RALGAPA1: variants seen among roughly 807,000 people sequenced by gnomAD.
RALGAPA1 encodes ral GTPase-activating protein subunit alpha-1.
Under a neutral mutation model 269.6 loss-of-function variants are expected in RALGAPA1, and 52 were observed. That is an observed-to-expected ratio of 0.19 (90% CI 0.15 to 0.24). RALGAPA1 has a LOEUF of 0.24. Among genes scored for constraint, RALGAPA1 ranks in the 10% least tolerant of loss-of-function variants. RALGAPA1 has a pLI of 1.00. For synonymous variants in RALGAPA1, 817 were observed against 1,008.3 expected, an observed-to-expected ratio of 0.81 and a Z score of 3.60; for missense variants, 1,917 against 3,013.9, an observed-to-expected ratio of 0.64 and a Z score of 8.52.
intron 1 of RALGAPA1, among the ~76,000 whole-genome samples, chr14:35,801,282 C>CA (rs1325767780): frequency 1.4e-5 from 2 of 143,114 alleles, no homozygotes; most frequent in African/African-American, 2.9e-5. Context: ...CACACACACA[C>CA]ATTTGAGATA....
chr14:35,623,216 A>T (rs368695067), intron 35 of RALGAPA1, among the ~76,000 whole-genome samples: 1 of 152,150 alleles, frequency 6.6e-6, no homozygotes, highest in Non-Finnish European at 1.5e-5. Flanking sequence ...GAAATGATAC[A>T]TAAAACGAAA....
intron 4 of RALGAPA1, among the ~76,000 whole-genome samples, chr14:35,763,422 T>C (rs1183962490): frequency 1.3e-5 from 2 of 152,148 alleles, no homozygotes; most frequent in African/African-American, 4.8e-5. Context: ...TTATCTAGGC[T>C]TTGGTATTAA....
intron 16 of RALGAPA1, among the ~76,000 whole-genome samples, chr14:35,701,424 A>C (rs1567039142): frequency 6.6e-6 from 1 of 152,180 alleles, no homozygotes; most frequent in Non-Finnish European, 1.5e-5. Flanking sequence ...CAACTCACAC[A>C]AGGCCTTTAC....
chr14:35,720,395 T>C (rs1198054153), intron 16 of RALGAPA1, among the ~76,000 whole-genome samples: 1 of 152,204 alleles, frequency 6.6e-6, no homozygotes, highest in Non-Finnish European at 1.5e-5. Flanking sequence ...TTTCAAACCA[T>C]AATTCTTAAC....
chr14:35,669,263 T>C (rs1345926119), intron 26 of RALGAPA1, among the ~76,000 whole-genome samples: 6 of 142,460 alleles, frequency 4.2e-5, no homozygotes, highest in Non-Finnish European at 9.7e-5. Flanking sequence ...TCTTTCTTTA[T>C]TTTTTTTTGA....
intron 31 of RALGAPA1, 97 bp from the exon 32 acceptor site, chr14:35,635,695 T>C: frequency 8.9e-7 from 1 of 1,125,040 alleles, no homozygotes; most frequent in African/African-American, 1.6e-5. Flanking sequence ...AATTTGTTTC[T>C]GGAATCATCA....
At chr14:35,609,095 G>C (rs376280108) in intron 35 of RALGAPA1, among the ~76,000 whole-genome samples, 4 of 151,784 alleles carry the variant, frequency 2.6e-5, no homozygotes, top group East Asian at 3.9e-4. Context: ...GCGTCGGTGG[G>C]GGGTGCCTGT....
intron 33 of RALGAPA1, among the ~76,000 whole-genome samples, chr14:35,634,185 C>T (rs781545875): frequency 1.3e-5 from 2 of 151,782 alleles, no homozygotes; most frequent in Non-Finnish European, 2.9e-5. Context: ...ATCTGAAATC[C>T]AAAAATTTTG....
At chr14:35,722,782 A>AT (rs1048379521) in intron 15 of RALGAPA1, among the ~76,000 whole-genome samples, 10 of 152,166 alleles carry the variant, frequency 6.6e-5, no homozygotes, top group African/African-American at 2.4e-4. Flanking sequence ...TTCAAAAACA[A>AT]TTTTTAAAAT....
chr14:35,793,550 TATA>T (rs1471089051), intron 1 of RALGAPA1, among the ~76,000 whole-genome samples: 1 of 152,120 alleles, frequency 6.6e-6, no homozygotes, highest in African/African-American at 2.4e-5. Flanking sequence ...GGTCTATTTC[TATA>T]ATGTGTACCT....
intron 31 of RALGAPA1, among the ~76,000 whole-genome samples, chr14:35,640,654 C>T (rs1014540858): frequency 3.9e-5 from 6 of 152,098 alleles, no homozygotes; most frequent in Admixed American, 6.5e-5. Flanking sequence ...TAAATTCTAC[C>T]AAACATTTAA....
At chr14:35,736,356 T>G (rs1472462587) in intron 12 of RALGAPA1, among the ~76,000 whole-genome samples, 1 of 152,188 alleles carries the variant, frequency 6.6e-6, no homozygotes, top group African/African-American at 2.4e-5. Flanking sequence ...TAGTTAAGGA[T>G]TCACAGAATT....
intron 17 of RALGAPA1, among the ~76,000 whole-genome samples, chr14:35,699,304 G>A (rs2067148122): frequency 6.6e-6 from 1 of 152,124 alleles, no homozygotes; most frequent in Admixed American, 6.5e-5. Context: ...TTGTATTTGC[G>A]TGGAGGGGAG....
chr14:35,627,049 GAAAAA>G, intron 34 of RALGAPA1, 36 bp downstream of exon 34: 1 of 1,130,100 alleles, frequency 8.8e-7, no homozygotes, highest in Non-Finnish European at 1.2e-6. Flanking sequence ...GAATAAGACC[GAAAAA>G]AAAAAAAAAA....
At chr14:35,790,531 T>G (rs534139950) in intron 1 of RALGAPA1, among the ~76,000 whole-genome samples, 6 of 151,256 alleles carry the variant, frequency 4.0e-5, no homozygotes, top group Non-Finnish European at 8.9e-5. Flanking sequence ...CTACTAAAAA[T>G]ACAAAAATTA....
At chr14:35,755,500 G>C (rs2073091665) in intron 7 of RALGAPA1, among the ~76,000 whole-genome samples, 1 of 152,120 alleles carries the variant, frequency 6.6e-6, no homozygotes, top group South Asian at 2.1e-4. Flanking sequence ...GCAGTTTATT[G>C]TGTATCAATT....
chr14:35,759,858 G>A (rs2073549066), intron 6 of RALGAPA1, among the ~76,000 whole-genome samples: 1 of 149,230 alleles, frequency 6.7e-6, no homozygotes, highest in African/African-American at 2.5e-5. Context: ...GTTGCAGTGA[G>A]CCAAGGCCAT....
chr14:35,634,074 T>C (rs2061519545), intron 33 of RALGAPA1, among the ~76,000 whole-genome samples: 1 of 152,158 alleles, frequency 6.6e-6, no homozygotes. Context: ...TCCAAAGCTA[T>C]ATTTTTTATT....
chr14:35,559,499 A>G (rs1010336736), intron 39 of RALGAPA1, among the ~76,000 whole-genome samples: 3 of 144,450 alleles, frequency 2.1e-5, no homozygotes, highest in East Asian at 2.0e-4. Context: ...TTAATACAGG[A>G]AAAAAAAAAA....
Sources: allele counts gnomAD v4.1 joint callset (sites outside exome capture counted in the v4.1 genomes callset), GRCh38; gene constraint gnomAD v4.1.1; transcripts MANE v1.5; gene names NCBI Gene and HGNC (gene_info 2026-07-23, HGNC 2026-07-21).